The following RANBP2 variants were observed in gnomAD, a reference collection of about 807,000 sequenced individuals.
RANBP2 encodes E3 SUMO-protein ligase RanBP2.
RANBP2 carries 57 observed loss-of-function variants against 303.6 expected under a neutral mutation model. That is an observed-to-expected ratio of 0.19 (90% CI 0.15 to 0.23). The LOEUF (loss-of-function observed/expected upper bound fraction) is 0.23. RANBP2 is among the 10% of genes least tolerant of loss of function. The pLI, the probability that RANBP2 is intolerant of heterozygous loss-of-function variation, is 1.00. For missense variants in RANBP2, 3,138 were observed against 3,780.8 expected (o/e 0.83, Z 4.46); for synonymous variants, 1,167 against 1,301.5 (o/e 0.90, Z 2.23).
the RANBP2 span, among the ~76,000 whole-genome samples, chr2:109,331,357 C>CT: frequency 6.6e-6 from 1 of 152,022 alleles, no homozygotes; most frequent in African/African-American, 2.4e-5. Context: ...TCCTGCCTCC[C>CT]TCCTCTCCCC....
the RANBP2 span, among the ~76,000 whole-genome samples, chr2:108,903,505 T>C: frequency 6.6e-6 from 1 of 152,134 alleles, no homozygotes; most frequent in Non-Finnish European, 1.5e-5. Flanking sequence ...TATTACATAA[T>C]TTATACAAGA....
chr2:109,513,749 G>C, the RANBP2 span, among the ~76,000 whole-genome samples: 1 of 152,222 alleles, frequency 6.6e-6, no homozygotes, highest in African/African-American at 2.4e-5. Flanking sequence ...GCTGTAGTCT[G>C]TGCTGCCTCA....
the RANBP2 span, among the ~76,000 whole-genome samples, chr2:108,998,392 CTT>C: frequency 6.6e-6 from 1 of 152,200 alleles, no homozygotes; most frequent in East Asian, 1.9e-4. Context: ...CAGGCTTCGT[CTT>C]TTAAGCTTTG....
the RANBP2 span, among the ~76,000 whole-genome samples, chr2:109,117,422 G>A: frequency 7.2e-5 from 11 of 152,354 alleles, no homozygotes; most frequent in South Asian, 4.1e-4. Flanking sequence ...CTCCATGGGC[G>A]TAGGACCCTC....
At chr2:108,806,646 T>C in the RANBP2 span, among the ~76,000 whole-genome samples, 2 of 152,186 alleles carry the variant, frequency 1.3e-5, no homozygotes, top group Non-Finnish European at 2.9e-5. Context: ...CGTGGCTGTG[T>C]TCCAAAACGA....
chr2:108,855,196 T>TA, the RANBP2 span, among the ~76,000 whole-genome samples: 1 of 152,174 alleles, frequency 6.6e-6, no homozygotes, highest in Non-Finnish European at 1.5e-5. Context: ...AATGAGGACA[T>TA]AATTTTGATT....
At chr2:109,201,040 C>T in the RANBP2 span, among the ~76,000 whole-genome samples, 1 of 152,160 alleles carries the variant, frequency 6.6e-6, no homozygotes, top group African/African-American at 2.4e-5. Flanking sequence ...GGGTGGGACC[C>T]TGTGAGCTGG....
chr2:109,254,314 A>C, the RANBP2 span, among the ~76,000 whole-genome samples: 2 of 152,200 alleles, frequency 1.3e-5, no homozygotes, highest in Non-Finnish European at 2.9e-5. Context: ...CCAAGGAGTC[A>C]GTGCCATAAT....
chr2:108,763,946 G>T lies in RANBP2; in HGVS notation c.3407G>T (p.Gly1136Val). The change falls in exon 20 of 29, where the codon GGT (glycine) becomes GTT (valine). Residue 1136 changes from glycine to valine, a missense_variant. By Grantham distance (109) the Gly-to-Val change is moderately radical (BLOSUM62 -3). Around this residue, in one of 20 missense-constraint regions of RANBP2, gnomAD observed 403 missense variants for 376.7 expected, o/e 1.07. Coordinates refer to ENST00000283195, the MANE Select transcript of RANBP2 (RefSeq NM_006267.5). ...RRSDDMFTFH[G>V]PGKSVFGTPT... ...AGTGATGATATGTTTACTTTCCATG[G>T]TCCAGGGAAATCAGTATTTGGAACA... 1 of 1,613,930 alleles carries T rather than the reference G, an allele frequency of 6.2e-7. No homozygotes were observed. The highest frequency in any genetic ancestry group is 8.5e-7 in the Non-Finnish European group (1 of 1,179,972).
chr2:109,248,887 T>TTCCTGTCCTGTCCTG, the RANBP2 span, among the ~76,000 whole-genome samples: 2 of 145,852 alleles, frequency 1.4e-5, no homozygotes, highest in Non-Finnish European at 3.0e-5. Context: ...TTCCTGTCCT[T>TTCCTGTCCTGTCCTG]TCCTGTCCTG....
the RANBP2 span, chr2:108,929,113 C>T: frequency 6.6e-7 from 1 of 1,504,970 alleles, no homozygotes. Context: ...TATCCATGAC[C>T]CCTGTTCCCA....
At chr2:109,668,118 A>G in the RANBP2 span, 1 of 152,974 alleles carries the variant, frequency 6.5e-6, no homozygotes, top group Admixed American at 6.5e-5. Flanking sequence ...GTTCCTGTTG[A>G]ACACATCATA....
At chr2:109,455,934 G>T in the RANBP2 span, among the ~76,000 whole-genome samples, 36 of 152,228 alleles carry the variant, frequency 2.4e-4, no homozygotes, top group Non-Finnish European at 4.4e-5. Flanking sequence ...GAAGGGGCTG[G>T]ATCTGACCTC....
the RANBP2 span, among the ~76,000 whole-genome samples, chr2:109,040,938 C>T: frequency 6.6e-6 from 1 of 152,124 alleles, no homozygotes; most frequent in Non-Finnish European, 1.5e-5. Flanking sequence ...TGCCTGTAGT[C>T]CCAGCTACTC....
chr2:109,519,299 C>G, the RANBP2 span, among the ~76,000 whole-genome samples: 2 of 152,142 alleles, frequency 1.3e-5, no homozygotes, highest in South Asian at 2.1e-4. Flanking sequence ...GGCACTAAAC[C>G]CTTAGAAACT....
At chr2:108,882,924 TTATA>T in the RANBP2 span, 6 of 152,130 alleles carry the variant, frequency 3.9e-5, no homozygotes, top group African/African-American at 9.7e-5. Context: ...CTTGTCTTCT[TTATA>T]TAGGAGCATC....
chr2:109,663,524 C>T, the RANBP2 span, among the ~76,000 whole-genome samples: 15 of 152,280 alleles, frequency 9.9e-5, no homozygotes, highest in African/African-American at 3.6e-4. Context: ...TGTGCTCTTG[C>T]ATAGAGCAAG....
chr2:109,031,944 T>A, the RANBP2 span, among the ~76,000 whole-genome samples: 16 of 115,600 alleles, frequency 1.4e-4, no homozygotes, highest in Non-Finnish European at 1.5e-4. Flanking sequence ...CTCTTTGACC[T>A]TTTGCCAAAA....
the RANBP2 span, among the ~76,000 whole-genome samples, chr2:109,172,122 C>T: frequency 6.6e-6 from 1 of 152,338 alleles, no homozygotes. Flanking sequence ...TGACCTGGGG[C>T]AGAGCGGGTG....
Sources: allele counts gnomAD v4.1 joint callset (sites outside exome capture counted in the v4.1 genomes callset), GRCh38; gene constraint gnomAD v4.1.1; regional missense constraint gnomAD v4.1.1; transcripts MANE v1.5; gene names NCBI Gene and HGNC (gene_info 2026-07-23, HGNC 2026-07-21).